CNTN5: variants seen among roughly 807,000 people sequenced by gnomAD.
CNTN5 encodes contactin-5.
In CNTN5, 77 loss-of-function variants were observed where a neutral mutation model predicts 129.1. That is an observed-to-expected ratio of 0.60 (90% CI 0.50 to 0.72). The LOEUF (loss-of-function observed/expected upper bound fraction) is 0.72. Ranked by LOEUF, CNTN5 falls within the 30% of genes least tolerant of loss-of-function variation. The pLI is 0.00. For missense variants in CNTN5, 1,478 were observed against 1,328.8 expected (o/e 1.11, Z -1.75); for synonymous variants, 509 against 465.6 (o/e 1.09, Z -1.20).
At chr11:99,313,749 CTG>C (rs962487433) in intron 1 of CNTN5, among the ~76,000 whole-genome samples, 1 of 152,016 alleles carries the variant, frequency 6.6e-6, no homozygotes, top group Non-Finnish European at 1.5e-5. Context: ...TCCACTTAAA[CTG>C]TGTCTATAAT....
intron 1 of CNTN5, among the ~76,000 whole-genome samples, chr11:99,284,609 GT>G (rs1863845293): frequency 9.4e-5 from 1 of 10,678 alleles, no homozygotes; most frequent in Non-Finnish European, 2.3e-4. Context: ...TGGTGTGTGT[GT>G]GTGTGTGTGT....
chr11:99,815,087 C>A (rs1216097659), intron 3 of CNTN5, among the ~76,000 whole-genome samples: 3 of 152,186 alleles, frequency 2.0e-5, no homozygotes, highest in Admixed American at 1.3e-4. Flanking sequence ...GCCTTCACAC[C>A]TGGGGATTAT....
At chr11:100,047,473 G>A (rs1445108034) in intron 9 of CNTN5, among the ~76,000 whole-genome samples, 3 of 152,202 alleles carry the variant, frequency 2.0e-5, no homozygotes, top group Admixed American at 6.5e-5. Context: ...ACCTGATAAT[G>A]TGAAGCCTCT....
chr11:99,057,124 G>C (rs1864654769), intron 1 of CNTN5, among the ~76,000 whole-genome samples: 1 of 151,938 alleles, frequency 6.6e-6, no homozygotes, highest in South Asian at 2.1e-4. Flanking sequence ...CTGTCTCTTG[G>C]GATAGATGGT....
intron 17 of CNTN5, 40 bp from the exon 18 acceptor site, chr11:100,271,052 T>C (rs1950398987): frequency 6.6e-7 from 1 of 1,510,854 alleles, no homozygotes; most frequent in Non-Finnish European, 9.0e-7. Flanking sequence ...AGCATTTTTC[T>C]AGTCCTCATA....
At position 99,645,997 on chromosome 11, in the gene CNTN5, A is replaced by C. The variant is rs1175560667; in HGVS notation, c.55+89728A>C. 5.9e-5 allele frequency among the ~76,000 whole-genome samples: 9 copies of C among 152,324 alleles called. No homozygotes were observed. The East Asian group carries it at 1.7e-3, about 29-fold the overall frequency. Reference sequence around the variant, plus strand: ...TGTATTCCTTGATTGGATTCCTGACACAATAAGGGTTAAGCAATAGCAGAG... The same window carrying C: ...TGTATTCCTTGATTGGATTCCTGACCCAATAAGGGTTAAGCAATAGCAGAG... On this transcript the variant is annotated intron_variant, in intron 3 of 24. Coordinates refer to ENST00000524871, the MANE Select transcript of CNTN5 (RefSeq NM_014361.4).
chr11:99,992,568 A>G (rs1411318933), intron 8 of CNTN5, among the ~76,000 whole-genome samples: 1 of 152,192 alleles, frequency 6.6e-6, no homozygotes, highest in Non-Finnish European at 1.5e-5. Context: ...CAAAATATGA[A>G]GTTCATAGCC....
chr11:99,137,615 G>A (rs544507165), intron 1 of CNTN5, among the ~76,000 whole-genome samples: 1 of 152,252 alleles, frequency 6.6e-6, no homozygotes, highest in East Asian at 1.9e-4. Flanking sequence ...AAAGGTATAA[G>A]TATTCATAGT....
chr11:99,689,904 AT>A (rs1953969549), intron 3 of CNTN5, among the ~76,000 whole-genome samples: 1 of 151,804 alleles, frequency 6.6e-6, no homozygotes, highest in Non-Finnish European at 1.5e-5. Flanking sequence ...TTGATAGTTT[AT>A]TTTGCTGTCC....
intron 1 of CNTN5, among the ~76,000 whole-genome samples, chr11:99,246,022 G>A (rs997683277): frequency 6.6e-6 from 1 of 152,106 alleles, no homozygotes; most frequent in African/African-American, 2.4e-5. Flanking sequence ...GCAGTGACAT[G>A]AACTTATGAC....
chr11:99,188,116 ATTC>A (rs1858446325), intron 1 of CNTN5, among the ~76,000 whole-genome samples: 1 of 151,856 alleles, frequency 6.6e-6, no homozygotes, highest in African/African-American at 2.4e-5. Context: ...ATTAAAAATT[ATTC>A]TTTTTATAGG....
intron 1 of CNTN5, among the ~76,000 whole-genome samples, chr11:99,126,082 C>T (rs149089573): frequency 8.0e-4 from 121 of 152,126 alleles, no homozygotes; most frequent in African/African-American, 2.7e-3. Context: ...ACCAGGGCTG[C>T]GATTTTGGGG....
chr11:100,003,183 A>G (rs941045114), intron 9 of CNTN5, among the ~76,000 whole-genome samples: 1 of 152,216 alleles, frequency 6.6e-6, no homozygotes, highest in African/African-American at 2.4e-5. Context: ...AAACAACATC[A>G]TAATAGACTA....
At chr11:99,234,766 AG>A (rs1861180938) in intron 1 of CNTN5, among the ~76,000 whole-genome samples, 1 of 151,998 alleles carries the variant, frequency 6.6e-6, no homozygotes, top group Admixed American at 6.5e-5. Context: ...AAATAATAAA[AG>A]TAAATAAATA....
chr11:99,081,252 G>T (rs980123194), intron 1 of CNTN5, among the ~76,000 whole-genome samples: 1 of 151,966 alleles, frequency 6.6e-6, no homozygotes, highest in Non-Finnish European at 1.5e-5. Flanking sequence ...CAGCCTCTTC[G>T]ATATGTTTAG....
intron 2 of CNTN5, among the ~76,000 whole-genome samples, chr11:99,465,782 C>T (rs1007758992): frequency 2.0e-5 from 3 of 149,728 alleles, no homozygotes; most frequent in African/African-American, 7.4e-5. Context: ...CCTCTGGAGA[C>T]TTAAAATTGT....
intron 12 of CNTN5, among the ~76,000 whole-genome samples, chr11:100,073,358 T>C (rs1944003875): frequency 6.6e-6 from 1 of 152,096 alleles, no homozygotes; most frequent in Non-Finnish European, 1.5e-5. Flanking sequence ...ATTTCTTTGG[T>C]TTTAAAAAAT....
At chr11:99,773,813 G>A (rs1485294083) in intron 3 of CNTN5, among the ~76,000 whole-genome samples, 5 of 152,016 alleles carry the variant, frequency 3.3e-5, no homozygotes, top group South Asian at 4.1e-4. Context: ...GTTCATGAGC[G>A]TGACACACAA....
At chr11:99,376,666 C>A (rs1940201932) in intron 2 of CNTN5, among the ~76,000 whole-genome samples, 1 of 152,094 alleles carries the variant, frequency 6.6e-6, no homozygotes, top group Non-Finnish European at 1.5e-5. Flanking sequence ...ATTTCCAGCA[C>A]AGTAAATAGA....
Sources: gnomAD v4.1 joint callset for allele counts (sites outside exome capture counted in the v4.1 genomes callset) on GRCh38, gnomAD v4.1.1 for gene constraint, MANE v1.5 for transcripts, NCBI Gene and HGNC (gene_info 2026-07-23, HGNC 2026-07-21) for gene names.